The following PCNX2 variants were observed in gnomAD, a reference collection of about 807,000 sequenced individuals.
The protein encoded by PCNX2 is pecanex-like protein 2.
In PCNX2, 168 loss-of-function variants were observed where a neutral mutation model predicts 223.8. The ratio of observed to expected loss-of-function variants is 0.75; its 90% CI spans 0.66 to 0.85. The LOEUF (loss-of-function observed/expected upper bound fraction) is 0.85. Among genes scored for constraint, PCNX2 ranks in the 40% least tolerant of loss-of-function variants. The pLI is 0.00. For synonymous variants in PCNX2, 1,006 were observed against 1,052.6 expected, an observed-to-expected ratio of 0.96 and a Z score of 0.86; for missense variants, 2,507 against 2,675.5, an observed-to-expected ratio of 0.94 and a Z score of 1.39.
chr1:233,021,032 A>G (rs1291763126), intron 26 of PCNX2, among the ~76,000 whole-genome samples: 1 of 150,610 alleles, frequency 6.6e-6, no homozygotes, highest in African/African-American at 2.5e-5. Flanking sequence ...ATGCCAAAGA[A>G]GAAAATCATC....
At chr1:233,115,864 T>C (rs965134993) in intron 21 of PCNX2, among the ~76,000 whole-genome samples, 1 of 152,102 alleles carries the variant, frequency 6.6e-6, no homozygotes, top group Non-Finnish European at 1.5e-5. Flanking sequence ...AAGACAAATA[T>C]TGGCAGAATG....
intron 23 of PCNX2, among the ~76,000 whole-genome samples, chr1:233,060,757 G>A (rs1052163178): frequency 2.0e-5 from 3 of 152,194 alleles, no homozygotes; most frequent in Non-Finnish European, 4.4e-5. Flanking sequence ...TTAGGCATGC[G>A]TCTGCATGCA....
intron 17 of PCNX2, among the ~76,000 whole-genome samples, chr1:233,170,335 TA>T (rs908419641): frequency 1.8e-4 from 28 of 152,340 alleles, no homozygotes; most frequent in Non-Finnish European, 3.8e-4. Flanking sequence ...ACATTTTTTT[TA>T]GTCTGGTAGT....
intron 24 of PCNX2, among the ~76,000 whole-genome samples, chr1:233,055,468 T>C (rs1308479606): frequency 2.6e-5 from 4 of 152,120 alleles, no homozygotes; most frequent in Non-Finnish European, 4.4e-5. Context: ...GCATTTCCTA[T>C]ATCCTCCCTG....
chr1:233,206,768 C>T (rs990558678), intron 13 of PCNX2, among the ~76,000 whole-genome samples: 6 of 152,026 alleles, frequency 3.9e-5, no homozygotes, highest in African/African-American at 1.4e-4. Context: ...GCCTGTAATC[C>T]CAGCACTTTG....
chr1:233,070,281 G>A (rs1672797300), intron 23 of PCNX2, among the ~76,000 whole-genome samples: 2 of 64,332 alleles, frequency 3.1e-5, no homozygotes, highest in African/African-American at 3.5e-4. Context: ...ATTCTACCAC[G>A]TTTAAAAAAT....
At chr1:233,187,580 G>A (rs182258171) in intron 15 of PCNX2, among the ~76,000 whole-genome samples, 1 of 152,090 alleles carries the variant, frequency 6.6e-6, no homozygotes. Context: ...CTCAACAATT[G>A]CAATTCCATT....
chr1:233,201,894 G>A (rs553601140), intron 13 of PCNX2: 2 of 174,056 alleles, frequency 1.1e-5, no homozygotes, highest in Admixed American at 6.2e-5. Context: ...AAAATGGTAA[G>A]AAATACCAGA....
Position 233,295,290 on chromosome 1 carries a change from C to T in PCNX2, c.153+36G>A. 6.4e-7 allele frequency: 1 copy of T among 1,564,668 alleles called. No homozygotes were observed. The highest frequency in any genetic ancestry group is 8.7e-7 in the Non-Finnish European group (1 of 1,154,462). Reference sequence around the variant, plus strand: ...TTCCTTTCTCCTTCTTCCCTCCATACCCACAGCTCCCCGGGACCGGACCCT... The same window carrying T: ...TTCCTTTCTCCTTCTTCCCTCCATATCCACAGCTCCCCGGGACCGGACCCT... On this transcript the variant is annotated intron_variant, in intron 1 of 33. Transcript: ENST00000258229. The surrounding 1 kb of genome is among the most constrained non-coding windows in gnomAD (Gnocchi z 4.1).
chr1:233,046,534 A>G (rs1217248893), intron 25 of PCNX2, among the ~76,000 whole-genome samples: 1 of 152,212 alleles, frequency 6.6e-6, no homozygotes, highest in Non-Finnish European at 1.5e-5. Context: ...GGGTTTAAAA[A>G]AAGGTATTGT....
chr1:233,119,846 T>C (rs1167417428), intron 21 of PCNX2, among the ~76,000 whole-genome samples: 3 of 151,994 alleles, frequency 2.0e-5, no homozygotes, highest in Admixed American at 1.3e-4. Flanking sequence ...TATTTGCAGA[T>C]GACATATCCA....
the PCNX2 span, among the ~76,000 whole-genome samples, chr1:233,313,921 C>T: frequency 6.6e-6 from 1 of 152,302 alleles, no homozygotes; most frequent in African/African-American, 2.4e-5. Context: ...TGTAAAGTTT[C>T]CTAGCTCCTG....
In PCNX2 at chr1:233,054,411, C is replaced by T. The variant is rs537211428; in HGVS notation, c.4208G>A (p.Gly1403Glu). The change falls in exon 25 of 34, where the codon GGA becomes GAA. Residue 1403 changes from glycine (G) to glutamate (E), a missense_variant. Physicochemically the swap from Gly to Glu is moderately conservative, Grantham distance 98. Around this residue, in one of 3 missense-constraint regions of PCNX2, gnomAD observed 1,372 missense variants for 1,509.4 expected, o/e 0.91. Coordinates refer to ENST00000258229, the MANE Select transcript of PCNX2 (RefSeq NM_014801.4). ...LTRTLQESLC[G>E]DLVLGRWGNY... ...GCCCCAACGTCCAAGAACTAAGTCT[C>T]CACAGAGGGACTCCTGGAGGGTCCT... 4.1e-5 allele frequency: 66 copies of T among 1,613,864 alleles called. No individual in the cohort carries two copies. In the South Asian group the frequency reaches 7.2e-4, roughly 18 times the overall value.
intron 1 of PCNX2, among the ~76,000 whole-genome samples, chr1:233,293,468 T>C (rs1232770037): frequency 1.3e-5 from 2 of 152,170 alleles, no homozygotes; most frequent in Non-Finnish European, 2.9e-5. Context: ...GATCTAGACA[T>C]AGAAGTGAAA....
chr1:233,233,876 C>G (rs950282733), intron 9 of PCNX2, among the ~76,000 whole-genome samples: 2 of 152,038 alleles, frequency 1.3e-5, no homozygotes, highest in Non-Finnish European at 2.9e-5. Context: ...CACCTCCAGG[C>G]CCCTTTGGCC....
chr1:233,117,525 C>T (rs1430803396), intron 21 of PCNX2, among the ~76,000 whole-genome samples: 3 of 148,728 alleles, frequency 2.0e-5, no homozygotes, highest in East Asian at 2.1e-4. Flanking sequence ...GGCGTGAACC[C>T]GGGAGGCGGA....
At chr1:233,130,696 G>A (rs968042185) in intron 21 of PCNX2, among the ~76,000 whole-genome samples, 1 of 151,706 alleles carries the variant, frequency 6.6e-6, no homozygotes, top group African/African-American at 2.4e-5. Flanking sequence ...TGTTAGCCAG[G>A]ATGGTCTCAA....
intron 19 of PCNX2, among the ~76,000 whole-genome samples, chr1:233,144,948 G>GT (rs1168793449): frequency 1.4e-3 from 98 of 69,990 alleles, no homozygotes; most frequent in African/African-American, 6.3e-3. Context: ...TGTTGTTGTT[G>GT]TTTTGTTTTT....
rs1294935103 is a variant in PCNX2, at chr1:232,991,852, G to A, written c.5792-5312C>T. On this transcript the variant is annotated intron_variant, in intron 32 of 33. Transcript: ENST00000258229. The surrounding 1 kb of genome is among the most constrained non-coding windows in gnomAD (Gnocchi z 4.3). ...AGACTTCCAGCCTCCAGAACTGGCA[G>A]ACAGTAGGTTCATGCTGTTTAAGCC... Among the ~76,000 whole-genome samples, 1 of 152,164 alleles carries A rather than the reference G, an allele frequency of 6.6e-6. No individual in the cohort carries two copies. The highest frequency in any genetic ancestry group is 1.5e-5 in the Non-Finnish European group (1 of 68,036).
Sources: gnomAD v4.1 joint callset for allele counts (sites outside exome capture counted in the v4.1 genomes callset) on GRCh38, gnomAD v4.1.1 for gene constraint, gnomAD v4.1.1 regional missense constraint, Gnocchi (gnomAD v3.1) non-coding constraint, MANE v1.5 for transcripts, NCBI Gene and HGNC (gene_info 2026-07-23, HGNC 2026-07-21) for gene names.